DDX1: variants seen among roughly 807,000 people sequenced by gnomAD.
The protein encoded by DDX1 is DEAD-box helicase 1, also known as ATP-dependent RNA helicase DDX1.
DDX1 carries 28 observed loss-of-function variants against 108.7 expected under a neutral mutation model. The ratio of observed to expected loss-of-function variants is 0.26; its 90% CI spans 0.19 to 0.35. The LOEUF is 0.35. Among genes scored for constraint, DDX1 ranks in the 10% least tolerant of loss-of-function variants. The pLI is 1.00. For synonymous variants in DDX1, 295 were observed against 288.9 expected, an observed-to-expected ratio of 1.02 and a Z score of -0.21; for missense variants, 710 against 884.5, an observed-to-expected ratio of 0.80 and a Z score of 2.50.
chr2:15,596,637 C>T, intron 3 of DDX1, 97 bp from the exon 4 acceptor site: 1 of 1,033,282 alleles, frequency 9.7e-7, no homozygotes, highest in Non-Finnish European at 1.5e-6. Context: ...TAAAGGTAGC[C>T]AGTCAAATGT....
intron 1 of DDX1, among the ~76,000 whole-genome samples, chr2:15,594,115 A>T (rs1665463434): frequency 6.6e-6 from 1 of 152,012 alleles, no homozygotes; most frequent in African/African-American, 2.4e-5. Context: ...AAAAAGAGTT[A>T]GGAGAGCCTT....
intron 18 of DDX1, among the ~76,000 whole-genome samples, chr2:15,622,195 T>G (rs2148748206): frequency 6.6e-6 from 1 of 152,356 alleles, no homozygotes; most frequent in South Asian, 2.1e-4. Context: ...ACTTAGCATT[T>G]TAACTATTAG....
At chr2:15,597,003 T>C (rs960245160) in intron 4 of DDX1, among the ~76,000 whole-genome samples, 5 of 152,246 alleles carry the variant, frequency 3.3e-5, no homozygotes, top group Non-Finnish European at 7.3e-5. Flanking sequence ...TTAGTGTTTA[T>C]ACTCACTTCT....
chr2:15,613,359 A>C (rs1478735363), intron 14 of DDX1, 75 bp downstream of exon 14: 3 of 970,362 alleles, frequency 3.1e-6, no homozygotes, highest in Non-Finnish European at 4.6e-6. Context: ...GTTTTGTTTC[A>C]AGAAAATTTA....
intron 18 of DDX1, among the ~76,000 whole-genome samples, chr2:15,621,605 C>T (rs1666008840): frequency 2.0e-5 from 3 of 151,818 alleles, no homozygotes; most frequent in Admixed American, 6.6e-5. Context: ...CATGCCTGGC[C>T]TTAATCATTG....
chr2:15,623,436 A>T lies in DDX1; in HGVS notation c.1448A>T (p.Glu483Val). Residue 483 changes from glutamate to valine, a missense_variant and splice_region_variant, in exon 19 of 26, where the codon GAG becomes GTG. This residue lies in a region of DDX1 where 661 missense variants were observed against 810.2 expected (regional missense o/e 0.82). Transcript: ENST00000233084. ...DNTRPGANSPEMWSEAIKILK... is the reference protein window; with the variant it reads ...DNTRPGANSPVMWSEAIKILK... ...TTTTGTTGTTGTTATGATATTCAAG[A>T]GATGTGGTCTGAAGCTATTAAAATC... is the stretch of plus-strand genomic sequence containing the variant. 1 of 1,612,998 alleles carries T rather than the reference A, an allele frequency of 6.2e-7. No homozygotes were observed. The highest frequency in any genetic ancestry group is 8.5e-7 in the Non-Finnish European group (1 of 1,179,410).
Position 15,605,930 on chromosome 2 carries a change from T to C in DDX1, c.626-20T>C. 6.6e-7 allele frequency: 1 copy of C among 1,507,758 alleles called. No individual in the cohort carries two copies. Among genetic ancestry groups the C allele is most frequent in the Non-Finnish European group, 8.9e-7 (1 of 1,120,706 alleles). The allele number at this position is 1,507,758 out of a possible 1,614,324, so 93.4% of individuals were successfully genotyped here. A position where few individuals can be genotyped will look rare whatever the true frequency, so the allele number is the denominator to read the frequency against. Reference sequence around the variant, plus strand: ...TCTTTTCTGATTGTTTTAATCTCTCTCTCTCTCTTGTTTTTTAAGGAAAAG... The same window carrying C: ...TCTTTTCTGATTGTTTTAATCTCTCCCTCTCTCTTGTTTTTTAAGGAAAAG... On this transcript the variant is annotated intron_variant, in intron 10 of 25. Coordinates refer to ENST00000233084, the MANE Select transcript of DDX1 (RefSeq NM_004939.3).
chr2:15,622,747 C>T (rs1454772958), intron 18 of DDX1, among the ~76,000 whole-genome samples: 1 of 152,112 alleles, frequency 6.6e-6, no homozygotes, highest in Admixed American at 6.5e-5. Flanking sequence ...GTTTTTATTG[C>T]TTCTTATATT....
At position 15,613,255 on chromosome 2, in the gene DDX1, C is replaced by T. The variant is rs201761924; in HGVS notation, c.988C>T (p.Arg330Trp). 3.5e-5 allele frequency: 56 copies of T among 1,605,538 alleles called. No homozygotes were observed. The East Asian group carries it at 8.1e-4, about 23-fold the overall frequency. The change falls in exon 14 of 26, where the codon CGG becomes TGG. Residue 330 changes from arginine to tryptophan, a missense_variant. Physicochemically the swap from Arg to Trp is moderately radical, Grantham distance 101. Transcript: ENST00000233084. ...ELLIIGGVAA[R>W]DQLSVLENGV... Reference sequence around the variant, plus strand: ...TCTGATAATTGGAGGTGTTGCAGCCCGGGATCAGCTCTCTGTTTTGGAAAA... The same window carrying T: ...TCTGATAATTGGAGGTGTTGCAGCCTGGGATCAGCTCTCTGTTTTGGAAAA...
At chr2:15,595,060 C>A (rs1665476954) in intron 1 of DDX1, 85 bp from the exon 2 acceptor site, 2 of 1,064,704 alleles carry the variant, frequency 1.9e-6, no homozygotes, top group Admixed American at 2.1e-5. Flanking sequence ...AAAATCTTTA[C>A]CCTGTTTTAT....
intron 13 of DDX1, among the ~76,000 whole-genome samples, chr2:15,610,988 A>T (rs1665743001): frequency 6.7e-6 from 1 of 150,276 alleles, no homozygotes; most frequent in African/African-American, 2.5e-5. Context: ...CAGATAAACA[A>T]GTGAACAAAG....
intron 9 of DDX1, 44 bp downstream of exon 9, chr2:15,603,934 T>C: frequency 1.6e-6 from 2 of 1,257,062 alleles, no homozygotes; most frequent in South Asian, 2.6e-5. Flanking sequence ...AAGTAAGTTT[T>C]CTTGCATACT....
chr2:15,602,047 G>A (rs1665596462), intron 6 of DDX1, among the ~76,000 whole-genome samples: 1 of 152,182 alleles, frequency 6.6e-6, no homozygotes. Context: ...CATGGATTGA[G>A]GAACAAGCTA....
intron 13 of DDX1, among the ~76,000 whole-genome samples, chr2:15,611,219 A>G (rs1377736550): frequency 6.6e-5 from 10 of 150,874 alleles, no homozygotes; most frequent in Non-Finnish European, 8.9e-5. Flanking sequence ...ACAGATCAAC[A>G]GGATCCCAAG....
chr2:15,620,906 A>AATCTGAAGAATGATTTTGCCTACAG (rs1301355399), intron 17 of DDX1, among the ~76,000 whole-genome samples, 159 bp from the exon 18 acceptor site: 2 of 152,184 alleles, frequency 1.3e-5, no homozygotes, highest in African/African-American at 4.8e-5. Flanking sequence ...GGTTTTTCTG[A>AATCTGAAGAATGATTTTGCCTACAG]ATCTGAAGAA....
At chr2:15,626,497 A>G (rs1307442035) in intron 19 of DDX1, among the ~76,000 whole-genome samples, 1 of 151,988 alleles carries the variant, frequency 6.6e-6, no homozygotes, top group African/African-American at 2.4e-5. Context: ...CTACTTGAAG[A>G]GTTTTCTTTT....
chr2:15,620,331 G>T lies in DDX1; in HGVS notation c.1330G>T (p.Val444Phe). Residue 444 changes from valine to phenylalanine, a missense_variant, in exon 17 of 26, where the codon GTT (valine) becomes TTT (phenylalanine). Physicochemically the swap from Val to Phe is conservative, Grantham distance 50. Coordinates refer to ENST00000233084, the MANE Select transcript of DDX1 (RefSeq NM_004939.3). ...EDSVPDTVHH[V>F]VVPVNPKTDR... is the part of the protein sequence containing the mutation. ...CTCTGTTCCAGATACTGTACACCATGTTGTTGTCCCAGTAAATCCCAAAAC... is the reference window on the plus strand; with the variant it reads ...CTCTGTTCCAGATACTGTACACCATTTTGTTGTCCCAGTAAATCCCAAAAC... 1.2e-6 allele frequency: 2 copies of T among 1,614,026 alleles called. No individual in the cohort carries two copies. The highest frequency in any genetic ancestry group is 1.7e-6 in the Non-Finnish European group (2 of 1,179,968).
In DDX1 at chr2:15,620,284, G is replaced by C; in HGVS notation, c.1283G>C (p.Trp428Ser). The C allele has an allele frequency of 6.2e-7, 1 of 1,613,918 alleles. No homozygotes were observed. Among genetic ancestry groups the C allele is most frequent in the East Asian group, 2.2e-5 (1 of 44,866 alleles). Residue 428 changes from tryptophan to serine, a missense_variant, in exon 17 of 26, where the codon TGG becomes TCG. Physicochemically the swap from Trp to Ser is radical, Grantham distance 177 (BLOSUM62 -3). This residue lies in a region of DDX1 where 661 missense variants were observed against 810.2 expected (regional missense o/e 0.82). Coordinates refer to ENST00000233084, the MANE Select transcript of DDX1 (RefSeq NM_004939.3). ...LSEKIMHFPT[W>S]VDLKGEDSVP... The stretch of plus-strand genomic sequence containing the variant: ...GAGAAGATAATGCATTTTCCTACAT[G>C]GGTTGACTTAAAAGGAGAAGACTCT...
Position 15,599,515 on chromosome 2 carries a change from G to A in DDX1, c.260-154G>A, listed in dbSNP as rs190036569. On this transcript the variant is annotated intron_variant, in intron 5 of 25. Coordinates refer to ENST00000233084, the MANE Select transcript of DDX1 (RefSeq NM_004939.3). ...TTTAGTAGAGATGAGGTTTCACCACGTTGGCCAGGCTGGTCTTGAACTCCT... is the reference window on the plus strand; with the variant it reads ...TTTAGTAGAGATGAGGTTTCACCACATTGGCCAGGCTGGTCTTGAACTCCT... Among the ~76,000 whole-genome samples the A allele has an allele frequency of 3.8e-3, 574 of 151,910 alleles. 6 individuals are homozygous for A. The highest frequency in any genetic ancestry group is 9.9e-3 in the African/African-American group (412 of 41,444).
Sources: gnomAD v4.1 joint callset for allele counts (sites outside exome capture counted in the v4.1 genomes callset) on GRCh38, gnomAD v4.1.1 for gene constraint, gnomAD v4.1.1 regional missense constraint, MANE v1.5 for transcripts, NCBI Gene and HGNC (gene_info 2026-07-23, HGNC 2026-07-21) for gene names.